The following HPGD variants were observed in gnomAD, a reference collection of about 807,000 sequenced individuals.
HPGD encodes 15-hydroxyprostaglandin dehydrogenase [NAD(+)].
A neutral mutation model predicts 30.0 loss-of-function variants in HPGD; 29 were observed. The ratio of observed to expected loss-of-function variants is 0.97; its 90% CI spans 0.72 to 1.32. The LOEUF is 1.32. HPGD is among the 40% of genes most tolerant of loss of function. The pLI, the probability that HPGD is intolerant of heterozygous loss-of-function variation, is 0.00. For missense variants in HPGD, 340 were observed against 322.1 expected, an observed-to-expected ratio of 1.06 and a Z score of -0.43; for synonymous variants, 99 against 112.4, an observed-to-expected ratio of 0.88 and a Z score of 0.75.
intron 5 of HPGD, 106 bp from the exon 6 acceptor site, chr4:174,493,420 T>C: frequency 9.9e-7 from 1 of 1,008,314 alleles, no homozygotes; most frequent in East Asian, 2.5e-5. Context: ...AAATACTAAT[T>C]AGATATCCTC....
At chr4:174,499,244 A>T (rs45509091) in intron 4 of HPGD, among the ~76,000 whole-genome samples, 1,982 of 152,254 alleles carry the variant, frequency 0.013, 53 homozygotes, top group African/African-American at 0.045. Context: ...ACCATTTACA[A>T]CCTGCACAAC....
At chr4:174,517,168 G>T (rs1165111463) in intron 3 of HPGD, among the ~76,000 whole-genome samples, 1 of 152,138 alleles carries the variant, frequency 6.6e-6, no homozygotes, top group Non-Finnish European at 1.5e-5. Context: ...TATGTCAAGG[G>T]TATTTATAGA....
chr4:174,495,766 G>A (rs904417490), intron 4 of HPGD, 142 bp from the exon 5 acceptor site: 54 of 704,490 alleles, frequency 7.7e-5, no homozygotes, highest in African/African-American at 1.8e-5. Flanking sequence ...AAACCAGATA[G>A]CTTTGTGAAA....
chr4:174,494,402 A>G lies in HPGD; in HGVS notation c.499-1088T>C, dbSNP rs1190927447. Among the ~76,000 whole-genome samples the G allele has an allele frequency of 6.6e-6, 1 of 152,212 alleles. No individual in the cohort carries two copies. The highest frequency in any genetic ancestry group is 1.5e-5 in the Non-Finnish European group (1 of 68,034). ...GTGTTTGTAAGTGACTTCATGGAACATAACCACCATGCATACTGAGAATTG... is the reference window on the plus strand; with the variant it reads ...GTGTTTGTAAGTGACTTCATGGAACGTAACCACCATGCATACTGAGAATTG... On this transcript the variant is annotated intron_variant, in intron 5 of 6. Transcript: ENST00000296522. The surrounding 1 kb of genome is among the most constrained non-coding windows in gnomAD (Gnocchi z 4.9).
intron 3 of HPGD, among the ~76,000 whole-genome samples, chr4:174,515,045 T>C (rs1455837466): frequency 3.3e-5 from 5 of 152,194 alleles, no homozygotes; most frequent in African/African-American, 1.2e-4. Flanking sequence ...ACACATTCCA[T>C]GTTCATGGAT....
At chr4:174,511,498 G>A (rs960445140) in intron 3 of HPGD, among the ~76,000 whole-genome samples, 3 of 152,138 alleles carry the variant, frequency 2.0e-5, no homozygotes, top group African/African-American at 7.2e-5. Context: ...ACATATTTAG[G>A]TTTACAGAAA....
intron 4 of HPGD, among the ~76,000 whole-genome samples, chr4:174,497,895 TTCTC>T (rs376652837): frequency 6.2e-5 from 9 of 144,808 alleles, no homozygotes; most frequent in Non-Finnish European, 4.6e-5. Flanking sequence ...CTCTCTCTCT[TTCTC>T]TCTCTCTCTC....
rs1018018690 is a variant in HPGD at position 174,522,014 on chromosome 4, C to T, written c.147G>A (p.Leu49=). ...LEAGVQCKAA[L]DEQFEPQKTL... ...TCTTCTGAGGTTCAAACTGCTCATC[C>T]AGGGCAGCTTTACACTGTACACCTG... Residue 49 remains leucine, a synonymous_variant, in exon 2 of 7, where the codon CTG becomes CTA. Coordinates refer to ENST00000296522, the MANE Select transcript of HPGD (RefSeq NM_000860.6). 6.2e-7 allele frequency: 1 copy of T among 1,614,142 alleles called. No homozygotes were observed. The highest frequency in any genetic ancestry group is 1.1e-5 in the South Asian group (1 of 91,090).
chr4:174,500,362 A>G (rs1248672081), intron 4 of HPGD, among the ~76,000 whole-genome samples: 1 of 152,242 alleles, frequency 6.6e-6, no homozygotes, highest in African/African-American at 2.4e-5. Context: ...ATTTCTTTCA[A>G]AAGTAAACAT....
rs1255415620 is a variant in HPGD at position 174,492,634 on chromosome 4, A to T, written c.662+517T>A. ...GAAAATTGAAGCATCTAGAGGTATG[A>T]TGGGTAAGTTCATGGTTAGTGGTAG... On this transcript the variant is annotated intron_variant, in intron 6 of 6. Coordinates refer to ENST00000296522, the MANE Select transcript of HPGD (RefSeq NM_000860.6). This position sits in a 1 kb window ranked among gnomAD's most constrained non-coding sequence, Gnocchi z 4.9. Among the ~76,000 whole-genome samples, 1 of 152,014 alleles carries T rather than the reference A, an allele frequency of 6.6e-6. No individual in the cohort carries two copies. The highest frequency in any genetic ancestry group is 2.4e-5 in the African/African-American group (1 of 41,408).
rs1310859453 is a variant in HPGD at position 174,490,702 on chromosome 4, A to G, written c.*1254T>C. ...CAGAATTAAAATAGGGCAAGATATG[A>G]CAACATTCCAGTACTTCTAGGAAAT... is the stretch of plus-strand genomic sequence containing the variant. On this transcript the variant is annotated 3_prime_UTR_variant, in exon 7 of 7. Coordinates refer to ENST00000296522, the MANE Select transcript of HPGD (RefSeq NM_000860.6). This position sits in a 1 kb window ranked among gnomAD's most constrained non-coding sequence, Gnocchi z 4.4. 1 of 152,374 alleles carries G rather than the reference A, an allele frequency of 6.6e-6. No individual in the cohort carries two copies. Among genetic ancestry groups the G allele is most frequent in the Non-Finnish European group, 1.5e-5 (1 of 68,026 alleles). The allele number at this position is 152,374 out of a possible 1,614,324, so 9.4% of individuals were successfully genotyped here. A position where few individuals can be genotyped will look rare whatever the true frequency, so the allele number is the denominator to read the frequency against.
At position 174,491,976 on chromosome 4, in the gene HPGD, A is replaced by G. The variant is rs1368230294; in HGVS notation, c.781T>C (p.Phe261Leu). Residue 261 changes from phenylalanine to leucine, a missense_variant, in exon 7 of 7, where the codon TTT becomes CTT. Transcript: ENST00000296522. The stretch of plus-strand genomic sequence containing the variant: ...GCTGTTCATTGGGTTTTTGCTTGAA[A>G]TGGAGTTGTATCATAGTCTTGAAAA... ...IHFQDYDTTP[F>L]QAKTQ 6.2e-7 allele frequency: 1 copy of G among 1,612,310 alleles called. No homozygotes were observed. The highest frequency in any genetic ancestry group is 8.5e-7 in the Non-Finnish European group (1 of 1,178,708).
At chr4:174,493,595 C>T in intron 5 of HPGD, 1 of 303,878 alleles carries the variant, frequency 3.3e-6, no homozygotes, top group Non-Finnish European at 6.2e-6. Flanking sequence ...CTGAACTCTG[C>T]AGGAGCCTGA....
chr4:174,511,996 G>A (rs1358912445), intron 3 of HPGD, among the ~76,000 whole-genome samples: 1 of 152,294 alleles, frequency 6.6e-6, no homozygotes, highest in Middle Eastern at 3.4e-3. Context: ...TGCTGCTGTT[G>A]TTGGCTTCAG....
At chr4:174,504,654 A>C (rs1735090117) in intron 4 of HPGD, among the ~76,000 whole-genome samples, 1 of 125,814 alleles carries the variant, frequency 7.9e-6, no homozygotes, top group African/African-American at 4.2e-5. Flanking sequence ...CTAAAAATAC[A>C]AAAAAAAAAA....
At chr4:174,493,046 G>T (rs958993220) in intron 6 of HPGD, 105 bp downstream of exon 6, 3 of 1,061,674 alleles carry the variant, frequency 2.8e-6, no homozygotes. Context: ...TTTGAAGCTT[G>T]TGTTCATTTC....
At chr4:174,508,140 T>C in intron 4 of HPGD, 1 of 702,420 alleles carries the variant, frequency 1.4e-6, no homozygotes, top group Non-Finnish European at 2.6e-6. Flanking sequence ...ACGGCAGAAC[T>C]TCTGCCAGCC....
rs190154467 is a variant in HPGD, at chr4:174,504,544, G to A, written c.421+4152C>T. The stretch of plus-strand genomic sequence containing the variant: ...TGAAGCAATTAAATACTTAAGAACT[G>A]CGCCTGTAATCCCAGCACTTCGGGA... On this transcript the variant is annotated intron_variant, in intron 4 of 6. Coordinates refer to ENST00000296522, the MANE Select transcript of HPGD (RefSeq NM_000860.6). Among the ~76,000 whole-genome samples the A allele has an allele frequency of 8.6e-5, 13 of 151,860 alleles. No homozygotes were observed. The East Asian group carries it at 2.5e-3, about 29-fold the overall frequency.
chr4:174,511,939 C>T (rs1735528697), intron 3 of HPGD, among the ~76,000 whole-genome samples: 1 of 152,186 alleles, frequency 6.6e-6, no homozygotes, highest in African/African-American at 2.4e-5. Flanking sequence ...AGTCACCGCT[C>T]CCGGCCTGCT....
Sources: allele counts gnomAD v4.1 joint callset (sites outside exome capture counted in the v4.1 genomes callset), GRCh38; gene constraint gnomAD v4.1.1; non-coding constraint Gnocchi (gnomAD v3.1); transcripts MANE v1.5; gene names NCBI Gene and HGNC (gene_info 2026-07-23, HGNC 2026-07-21).